MAPK10: variants seen among roughly 807,000 people sequenced by gnomAD.
The protein encoded by MAPK10 is JNK3 alpha protein kinase.
In MAPK10, 25 loss-of-function variants were observed where a neutral mutation model predicts 59.3. The observed-to-expected ratio is 0.42, with a 90% CI of 0.31 to 0.59. The LOEUF (loss-of-function observed/expected upper bound fraction) is 0.59, where lower values mean the gene tolerates loss of function less well. Among genes scored for constraint, MAPK10 ranks in the 20% least tolerant of loss-of-function variants. MAPK10 has a pLI of 0.15. For synonymous variants in MAPK10, 190 were observed against 200.5 expected (o/e 0.95, Z 0.44); for missense variants, 351 against 568.9 (o/e 0.62, Z 3.90).
At chr4:86,442,029 C>G (rs1749483954) in intron 1 of MAPK10, among the ~76,000 whole-genome samples, 1 of 152,128 alleles carries the variant, frequency 6.6e-6, no homozygotes, top group African/African-American at 2.4e-5. Context: ...CCGATGGAAA[C>G]TAAATTAGCC....
intron 4 of MAPK10, among the ~76,000 whole-genome samples, chr4:86,110,270 T>G (rs1023863064): frequency 3.9e-5 from 6 of 152,230 alleles, no homozygotes; most frequent in African/African-American, 1.4e-4. Context: ...TTGCAATTGC[T>G]TTTGCCATTT....
chr4:86,041,588 A>C (rs2041531837), intron 11 of MAPK10, among the ~76,000 whole-genome samples: 1 of 152,248 alleles, frequency 6.6e-6, no homozygotes, highest in South Asian at 2.1e-4. Context: ...CTCATTTGAC[A>C]AAGGTCTAAT....
At chr4:86,344,438 A>T (rs1275495943) in intron 2 of MAPK10, among the ~76,000 whole-genome samples, 2 of 152,130 alleles carry the variant, frequency 1.3e-5, no homozygotes, top group Admixed American at 1.3e-4. Flanking sequence ...CAAAGAAACT[A>T]TCCTACTGTG....
intron 3 of MAPK10, 73 bp downstream of exon 3, chr4:86,194,263 A>T: frequency 8.8e-7 from 1 of 1,132,062 alleles, no homozygotes; most frequent in South Asian, 1.3e-5. Flanking sequence ...TGTGGAATGT[A>T]TGCAAATGGT....
chr4:86,392,064 C>T (rs1742264698), intron 1 of MAPK10, among the ~76,000 whole-genome samples: 1 of 152,170 alleles, frequency 6.6e-6, no homozygotes, highest in South Asian at 2.1e-4. Flanking sequence ...ATCTCTTACA[C>T]TGGATCGGGT....
intron 1 of MAPK10, among the ~76,000 whole-genome samples, chr4:86,407,733 T>C (rs1337220397): frequency 5.9e-5 from 9 of 151,862 alleles, no homozygotes; most frequent in African/African-American, 2.2e-4. Context: ...ATAAATGTAA[T>C]AAAATATAAA....
chr4:86,457,298 C>G (rs1751322690), upstream of MAPK10, among the ~76,000 whole-genome samples: 3 of 152,106 alleles, frequency 2.0e-5, no homozygotes, highest in Non-Finnish European at 4.4e-5. Context: ...TACTGGAAGT[C>G]CTAGCCAGAG....
chr4:86,451,368 G>C (rs1750698986), intron 1 of MAPK10, among the ~76,000 whole-genome samples: 1 of 151,952 alleles, frequency 6.6e-6, no homozygotes. Context: ...GAGGTAGAGA[G>C]GTAAAGGAGA....
At chr4:86,029,115 A>T (rs1465653888) in intron 13 of MAPK10, 82 bp downstream of exon 13, 2 of 849,864 alleles carry the variant, frequency 2.4e-6, no homozygotes, top group Non-Finnish European at 4.1e-6. Context: ...AAGCAATGTT[A>T]TGTTATTTCT....
chr4:86,493,369 G>T (rs1203815345), intron 1 of MAPK10, among the ~76,000 whole-genome samples: 4 of 152,164 alleles, frequency 2.6e-5, no homozygotes, highest in African/African-American at 4.8e-5. Context: ...CCTTATGCTA[G>T]ATTAATTTAT....
At chr4:86,364,424 A>G (rs1649546936), upstream of MAPK10, among the ~76,000 whole-genome samples, 1 of 152,160 alleles carries the variant, frequency 6.6e-6, no homozygotes, top group South Asian at 2.1e-4. Context: ...CCACTGCTCC[A>G]GGTCCATTGA....
At chr4:86,414,099 T>C (rs1320566338) in intron 1 of MAPK10, among the ~76,000 whole-genome samples, 1 of 152,226 alleles carries the variant, frequency 6.6e-6, no homozygotes, top group Non-Finnish European at 1.5e-5. Flanking sequence ...GCTTTTGTTT[T>C]GGTTCAGGTC....
intron 4 of MAPK10, among the ~76,000 whole-genome samples, chr4:86,156,210 C>T (rs2067721072): frequency 6.6e-6 from 1 of 151,852 alleles, no homozygotes; most frequent in Non-Finnish European, 1.5e-5. Context: ...TTGGATTATT[C>T]CCAGGGCATC....
intron 2 of MAPK10, among the ~76,000 whole-genome samples, chr4:86,293,402 A>G (rs1338531951): frequency 6.6e-6 from 1 of 152,182 alleles, no homozygotes; most frequent in Non-Finnish European, 1.5e-5. Flanking sequence ...TTGAAATCGG[A>G]GCACAGAGCA....
chr4:86,338,016 C>T (rs751608982), intron 2 of MAPK10, among the ~76,000 whole-genome samples: 21 of 152,152 alleles, frequency 1.4e-4, no homozygotes, highest in Non-Finnish European at 2.5e-4. Flanking sequence ...TCTCAGATTT[C>T]CTGTGGAAAT....
chr4:86,481,099 C>G (rs749057347), intron 1 of MAPK10, among the ~76,000 whole-genome samples: 7 of 152,094 alleles, frequency 4.6e-5, no homozygotes, highest in Non-Finnish European at 1.0e-4. Context: ...CAGAGAATTT[C>G]TATATTGCAA....
At chr4:86,172,227 T>C (rs944896849) in intron 3 of MAPK10, among the ~76,000 whole-genome samples, 5 of 141,906 alleles carry the variant, frequency 3.5e-5, no homozygotes, top group Admixed American at 3.4e-4. Context: ...TTACTGGGTA[T>C]ATACCCAAAG....
chr4:86,534,087 G>C (rs527827633), intron 1 of MAPK10, among the ~76,000 whole-genome samples: 1 of 152,068 alleles, frequency 6.6e-6, no homozygotes, highest in East Asian at 1.9e-4. Context: ...ATTAATACTT[G>C]TCTTCCCCAC....
intron 1 of MAPK10, among the ~76,000 whole-genome samples, chr4:86,365,991 T>C (rs986178224): frequency 3.9e-5 from 6 of 152,226 alleles, no homozygotes; most frequent in Non-Finnish European, 8.8e-5. Flanking sequence ...GGACTAAAGA[T>C]GTTTAGGAAT....
Sources: allele counts gnomAD v4.1 joint callset (sites outside exome capture counted in the v4.1 genomes callset), GRCh38; gene constraint gnomAD v4.1.1; transcripts MANE v1.5; gene names NCBI Gene and HGNC (gene_info 2026-07-23, HGNC 2026-07-21).